The following RPS6KC1 variants were observed in gnomAD, a reference collection of about 807,000 sequenced individuals.
RPS6KC1 encodes the protein inactive ribosomal protein S6 kinase delta-1.
Under a neutral mutation model 103.8 loss-of-function variants are expected in RPS6KC1, and 54 were observed. The ratio of observed to expected loss-of-function variants is 0.52; its 90% CI spans 0.42 to 0.65. RPS6KC1 has a LOEUF of 0.65. RPS6KC1 is among the 30% of genes least tolerant of loss of function. RPS6KC1 has a pLI of 0.00. For synonymous variants in RPS6KC1, 439 were observed against 438.7 expected (o/e 1.00, Z -0.01); for missense variants, 1,151 against 1,253.8 (o/e 0.92, Z 1.24).
chr1:213,504,075 T>C, the RPS6KC1 span, among the ~76,000 whole-genome samples: 5 of 152,320 alleles, frequency 3.3e-5, no homozygotes, highest in Admixed American at 3.3e-4. Context: ...TAGAACTATA[T>C]GTATATATAG....
At chr1:213,769,343 C>T in the RPS6KC1 span, among the ~76,000 whole-genome samples, 15 of 151,984 alleles carry the variant, frequency 9.9e-5, no homozygotes, top group Non-Finnish European at 1.5e-4. Flanking sequence ...GATTTTCATT[C>T]GATAGTATGG....
chr1:213,384,015 G>T, the RPS6KC1 span, among the ~76,000 whole-genome samples: 1 of 152,182 alleles, frequency 6.6e-6, no homozygotes, highest in Non-Finnish European at 1.5e-5. Flanking sequence ...GGTGGCTCAC[G>T]CCTGTAATCC....
the RPS6KC1 span, among the ~76,000 whole-genome samples, chr1:213,680,401 AC>A: frequency 4.6e-5 from 7 of 152,158 alleles, no homozygotes; most frequent in Admixed American, 4.6e-4. Flanking sequence ...TTTCACAGGA[AC>A]CTGAAAACCT....
At chr1:213,326,002 T>G in the RPS6KC1 span, among the ~76,000 whole-genome samples, 6 of 152,114 alleles carry the variant, frequency 3.9e-5, no homozygotes, top group Non-Finnish European at 8.8e-5. Flanking sequence ...ACCCCTCAGC[T>G]CCCTCTTCTT....
At chr1:213,569,298 C>G in the RPS6KC1 span, among the ~76,000 whole-genome samples, 2 of 152,176 alleles carry the variant, frequency 1.3e-5, no homozygotes, top group African/African-American at 4.8e-5. Flanking sequence ...TTCAGAAAAA[C>G]AGCCTTCCTA....
At chr1:213,581,534 G>A in the RPS6KC1 span, among the ~76,000 whole-genome samples, 1 of 152,128 alleles carries the variant, frequency 6.6e-6, no homozygotes, top group East Asian at 1.9e-4. Context: ...AAGGGGCATG[G>A]GCTCGAGAGC....
the RPS6KC1 span, among the ~76,000 whole-genome samples, chr1:213,429,851 C>G: frequency 1.3e-5 from 2 of 152,228 alleles, no homozygotes; most frequent in African/African-American, 4.8e-5. Context: ...CAGTTTATCT[C>G]TGGCAAATCT....
chr1:213,103,845 T>A (rs752627643), intron 3 of RPS6KC1, among the ~76,000 whole-genome samples: 2 of 152,226 alleles, frequency 1.3e-5, no homozygotes, highest in Non-Finnish European at 2.9e-5. Context: ...CATTTAAAAA[T>A]TCTATGGAAA....
chr1:213,307,931 G>C, the RPS6KC1 span, among the ~76,000 whole-genome samples: 5 of 152,152 alleles, frequency 3.3e-5, no homozygotes, highest in Non-Finnish European at 5.9e-5. Flanking sequence ...CCTTCTCATG[G>C]CCTGTAGTGG....
chr1:213,363,742 CTTCTTTCTCTT>C, the RPS6KC1 span, among the ~76,000 whole-genome samples: 1 of 101,814 alleles, frequency 9.8e-6, no homozygotes, highest in Non-Finnish European at 1.9e-5. Context: ...TTCTTTCTCT[CTTCTTTCTCTT>C]TCTCTCTTCT....
chr1:213,752,168 C>G, the RPS6KC1 span, among the ~76,000 whole-genome samples: 1 of 152,008 alleles, frequency 6.6e-6, no homozygotes, highest in Non-Finnish European at 1.5e-5. Flanking sequence ...AGAAAATACC[C>G]TTCGATAGGT....
chr1:213,319,093 G>A, the RPS6KC1 span, among the ~76,000 whole-genome samples: 2 of 152,166 alleles, frequency 1.3e-5, no homozygotes, highest in Admixed American at 1.3e-4. Flanking sequence ...ATCATCTGAG[G>A]TCAGGAGTTC....
chr1:213,555,862 T>A, the RPS6KC1 span, among the ~76,000 whole-genome samples: 3 of 152,238 alleles, frequency 2.0e-5, no homozygotes, highest in Non-Finnish European at 4.4e-5. Context: ...TCCTGGCTCC[T>A]TTTCCTTCAT....
At chr1:213,496,137 A>T in the RPS6KC1 span, among the ~76,000 whole-genome samples, 1 of 152,200 alleles carries the variant, frequency 6.6e-6, no homozygotes, top group Non-Finnish European at 1.5e-5. Flanking sequence ...AGAGAAGTAA[A>T]TGTGAAATAT....
chr1:213,354,400 C>G, the RPS6KC1 span, among the ~76,000 whole-genome samples: 1 of 152,196 alleles, frequency 6.6e-6, no homozygotes, highest in Non-Finnish European at 1.5e-5. Context: ...TTCACAACTG[C>G]TCACCTGCCC....
chr1:213,782,021 C>T, the RPS6KC1 span, among the ~76,000 whole-genome samples: 14 of 152,270 alleles, frequency 9.2e-5, no homozygotes, highest in East Asian at 3.9e-4. Context: ...CACCCCTTTT[C>T]GAGGAGTGCC....
At chr1:213,696,548 C>T in the RPS6KC1 span, among the ~76,000 whole-genome samples, 1 of 147,688 alleles carries the variant, frequency 6.8e-6, no homozygotes, top group African/African-American at 2.6e-5. Context: ...AAACTCTCTT[C>T]TTAGGGAAGA....
At chr1:213,246,564 T>G (rs1558625934) in intron 12 of RPS6KC1, among the ~76,000 whole-genome samples, 1 of 152,330 alleles carries the variant, frequency 6.6e-6, no homozygotes, top group East Asian at 1.9e-4. Flanking sequence ...CACAAAAGTT[T>G]TAGCCAAAAG....
chr1:213,327,814 C>T, the RPS6KC1 span, among the ~76,000 whole-genome samples: 510 of 152,236 alleles, frequency 3.4e-3, 7 homozygotes, highest in African/African-American at 0.012. Context: ...TTCTCTATCC[C>T]ACCTCCCTTT....
Sources: allele counts gnomAD v4.1 joint callset (sites outside exome capture counted in the v4.1 genomes callset), GRCh38; gene constraint gnomAD v4.1.1; transcripts MANE v1.5; gene names NCBI Gene and HGNC (gene_info 2026-07-23, HGNC 2026-07-21).